Variants in FNBP4 observed in about 807,000 individuals in gnomAD.
The protein encoded by FNBP4 is formin-binding protein 4.
FNBP4 carries 34 observed loss-of-function variants against 119.3 expected under a neutral mutation model. That is an observed-to-expected ratio of 0.28 (90% CI 0.22 to 0.38). The LOEUF (loss-of-function observed/expected upper bound fraction) is 0.38. Among genes scored for constraint, FNBP4 ranks in the 10% least tolerant of loss-of-function variants. The probability of loss-of-function intolerance (pLI) is 1.00; values close to 1 mark genes in which losing one functional copy is unlikely to be tolerated. For missense variants in FNBP4, 1,112 were observed against 1,228.9 expected (o/e 0.90, Z 1.42); for synonymous variants, 462 against 430.6 (o/e 1.07, Z -0.90).
intron 12 of FNBP4, among the ~76,000 whole-genome samples, chr11:47,727,860 C>T (rs116265424): frequency 6.8e-4 from 104 of 152,136 alleles, no homozygotes; most frequent in African/African-American, 2.5e-3. Flanking sequence ...GTCTGAAGCC[C>T]AAGGACAGAT....
chr11:47,758,552 T>C (rs572207212), intron 2 of FNBP4, among the ~76,000 whole-genome samples: 4 of 152,126 alleles, frequency 2.6e-5, no homozygotes, highest in African/African-American at 9.6e-5. Flanking sequence ...TATTTTAAAC[T>C]GGTAAGAAAG....
rs765238923 is a variant in FNBP4, at chr11:47,720,062, G to A, written c.2830C>T (p.Pro944Ser). 2 of 1,613,728 alleles carry A rather than the reference G, an allele frequency of 1.2e-6. No individual in the cohort carries two copies. The highest frequency in any genetic ancestry group is 2.2e-5 in the South Asian group (2 of 91,020). The change falls in exon 16 of 17, where the codon CCA (proline) becomes TCA (serine). Residue 944 changes from proline (P) to serine (S), a missense_variant. Pro to Ser is a moderately conservative substitution (Grantham distance 74). Around this residue, in one of 2 missense-constraint regions of FNBP4, gnomAD observed 826 missense variants for 988.8 expected, o/e 0.84. Transcript: ENST00000263773. ...CTCTGCCACTTTTTTACCAAAGATG[G>A]CATTTTGGTCTTACTCTTCTTTGCC... is the stretch of plus-strand genomic sequence containing the variant. ...DKAKKSKTKMPSLVKKWQSIQ... is the reference protein window; with the variant it reads ...DKAKKSKTKMSSLVKKWQSIQ...
intron 12 of FNBP4, chr11:47,729,748 T>C (rs1410179248): frequency 6.1e-6 from 6 of 985,348 alleles, no homozygotes; most frequent in Non-Finnish European, 7.2e-6. Context: ...CTTTAAAAGA[T>C]AGCTGGTTTT....
intron 8 of FNBP4, among the ~76,000 whole-genome samples, chr11:47,743,452 C>T (rs2097585130): frequency 6.6e-6 from 1 of 152,004 alleles, no homozygotes; most frequent in Non-Finnish European, 1.5e-5. Context: ...CTTTGTACTC[C>T]AGCCTGGGTG....
intron 16 of FNBP4, 31 bp from the exon 17 acceptor site, chr11:47,717,543 G>A: frequency 6.7e-7 from 1 of 1,490,166 alleles, no homozygotes; most frequent in South Asian, 1.2e-5. Flanking sequence ...TTATTTTAGT[G>A]GAAAGAAAAA....
Position 47,724,682 on chromosome 11 carries a change from A to C in FNBP4, c.2105T>G (p.Val702Gly). The C allele has an allele frequency of 1.2e-6, 2 of 1,614,076 alleles. No individual in the cohort carries two copies. Among genetic ancestry groups the C allele is most frequent in the Non-Finnish European group, 1.7e-6 (2 of 1,179,984 alleles). The change falls in exon 13 of 17, where the codon GTG becomes GGG. Residue 702 changes from valine to glycine, a missense_variant. By Grantham distance (109) the Val-to-Gly change is moderately radical. Transcript: ENST00000263773. ...TTCCAAGGGTAATGGAGGTTGAAGCACAGGAACATTTGACTGAAGGAGGGT... is the reference window on the plus strand; with the variant it reads ...TTCCAAGGGTAATGGAGGTTGAAGCCCAGGAACATTTGACTGAAGGAGGGT... Reference protein sequence around the residue: ...FWTLLQSNVPVLQPPLPLEMP... With the variant: ...FWTLLQSNVPGLQPPLPLEMP...
Position 47,717,099 on chromosome 11 carries a change from C to T in FNBP4, c.*323G>A, listed in dbSNP as rs757629337. ...GGAGAAGTTAATTCTTCACTTTTGT[C>T]AGGGAGTCCTCTACAGAAGTGTTAT... On this transcript the variant is annotated 3_prime_UTR_variant, in exon 17 of 17. Transcript: ENST00000263773. 1 of 187,064 alleles carries T rather than the reference C, an allele frequency of 5.3e-6. No homozygotes were observed. 11.6% of individuals were successfully genotyped at this position (187,064 alleles called of 1,614,324 possible).
At chr11:47,753,237 G>A in intron 3 of FNBP4, 135 bp from the exon 4 acceptor site, 2 of 587,856 alleles carry the variant, frequency 3.4e-6, no homozygotes, top group Non-Finnish European at 5.7e-6. Context: ...CACTTTGGGA[G>A]GCTGAGACAG....
intron 7 of FNBP4, among the ~76,000 whole-genome samples, chr11:47,745,803 C>T (rs554910307): frequency 1.3e-5 from 2 of 152,136 alleles, no homozygotes; most frequent in East Asian, 3.9e-4. Context: ...AGCTGGCCGA[C>T]ACTTATGGAA....
intron 12 of FNBP4, among the ~76,000 whole-genome samples, chr11:47,727,548 G>A (rs767171152): frequency 6.6e-6 from 1 of 152,086 alleles, no homozygotes; most frequent in Non-Finnish European, 1.5e-5. Flanking sequence ...CCTGGCCTCT[G>A]CTTTTGTACT....
rs942694180 is a variant in FNBP4, at chr11:47,749,005, T to C, written c.906+1911A>G. Among the ~76,000 whole-genome samples the C allele has an allele frequency of 1.1e-4, 17 of 152,252 alleles. No individual in the cohort carries two copies. The South Asian group carries it at 1.5e-3, about 13-fold the overall frequency. On this transcript the variant is annotated intron_variant, in intron 6 of 16. Transcript: ENST00000263773. ...TACATGCAGTAGCTCACACCTATAATGTAAGCAATTTGGGAGGCCGAGGCA... is the reference window on the plus strand; with the variant it reads ...TACATGCAGTAGCTCACACCTATAACGTAAGCAATTTGGGAGGCCGAGGCA...
Position 47,723,182 on chromosome 11 carries a change from C to A in FNBP4, c.2599G>T (p.Ala867Ser). Residue 867 changes from alanine to serine, a missense_variant, in exon 15 of 17, where the codon GCA becomes TCA. By Grantham distance (99) the Ala-to-Ser change is moderately conservative. This residue lies in a region of FNBP4 where 826 missense variants were observed against 988.8 expected (regional missense o/e 0.84). Coordinates refer to ENST00000263773, the MANE Select transcript of FNBP4 (RefSeq NM_015308.5). Reference protein sequence around the residue: ...SLQSNYLGLAAAPAIMSYAEC... With the variant: ...SLQSNYLGLASAPAIMSYAEC... ...GCATAACTCATAATTGCAGGTGCTG[C>A]CGCTAGTCCAAGGTAATTTGACTGC... The A allele has an allele frequency of 1.9e-6, 3 of 1,613,996 alleles. No homozygotes were observed. Among genetic ancestry groups the A allele is most frequent in the Non-Finnish European group, 2.5e-6 (3 of 1,180,022 alleles).
intron 2 of FNBP4, among the ~76,000 whole-genome samples, chr11:47,755,623 T>C (rs905147776): frequency 4.2e-5 from 4 of 94,162 alleles, no homozygotes; most frequent in Admixed American, 3.3e-4. Context: ...GTCTATCCCA[T>C]AAAAACAAAA....
At chr11:47,722,347 C>T (rs907215367) in intron 15 of FNBP4, among the ~76,000 whole-genome samples, 1 of 151,418 alleles carries the variant, frequency 6.6e-6, no homozygotes, top group African/African-American at 2.4e-5. Flanking sequence ...CTCCCAGGTT[C>T]AAGCGACTCT....
At chr11:47,720,460 C>T (rs1013209148) in intron 15 of FNBP4, among the ~76,000 whole-genome samples, 21 of 151,738 alleles carry the variant, frequency 1.4e-4, no homozygotes, top group African/African-American at 5.1e-4. Flanking sequence ...CTCAGCTACT[C>T]GGAAGGTTGA....
Position 47,732,077 on chromosome 11 carries a change from C to T in FNBP4, c.1820+460G>A, listed in dbSNP as rs2097568124. ...AGATTTCAAATAACGAAAAAAAAAT[C>T]AAGAAAAGCCAAATATATAAAGAAA... On this transcript the variant is annotated intron_variant, in intron 11 of 16. Transcript: ENST00000263773. This position sits in a 1 kb window ranked among gnomAD's most constrained non-coding sequence, Gnocchi z 4.2. 1.0e-6 allele frequency: 1 copy of T among 992,104 alleles called. No homozygotes were observed. The highest frequency in any genetic ancestry group is 4.7e-5 in the South Asian group (1 of 21,422). 61.5% of individuals were successfully genotyped at this position (992,104 alleles called of 1,614,324 possible).
At chr11:47,722,342 A>C (rs2097556780) in intron 15 of FNBP4, among the ~76,000 whole-genome samples, 3 of 150,736 alleles carry the variant, frequency 2.0e-5, no homozygotes, top group Admixed American at 2.0e-4. Flanking sequence ...TCAGCCTCCC[A>C]GGTTCAAGCG....
Position 47,767,297 on chromosome 11 carries a change from C to A in FNBP4, c.-9G>T. The A allele has an allele frequency of 6.7e-7, 1 of 1,497,804 alleles. No homozygotes were observed. The highest frequency in any genetic ancestry group is 8.8e-7 in the Non-Finnish European group (1 of 1,129,952). 92.8% of individuals were successfully genotyped at this position (1,497,804 alleles called of 1,614,324 possible). A position where few individuals can be genotyped will look rare whatever the true frequency, so the allele number is the denominator to read the frequency against. ...CGGGACTTCTTCCCCATCGCGAGCCCAAGCGCGAGCAGAGAGCGTCGGGCG... is the reference window on the plus strand; with the variant it reads ...CGGGACTTCTTCCCCATCGCGAGCCAAAGCGCGAGCAGAGAGCGTCGGGCG... On this transcript the variant is annotated 5_prime_UTR_variant, in exon 1 of 17. Coordinates refer to ENST00000263773, the MANE Select transcript of FNBP4 (RefSeq NM_015308.5).
intron 2 of FNBP4, among the ~76,000 whole-genome samples, chr11:47,762,369 C>A (rs2097637396): frequency 1.3e-5 from 2 of 152,016 alleles, no homozygotes; most frequent in African/African-American, 2.4e-5. Context: ...CCTTGTCATC[C>A]GCCCGCCTTG....
Sources: allele counts gnomAD v4.1 joint callset (sites outside exome capture counted in the v4.1 genomes callset), GRCh38; gene constraint gnomAD v4.1.1; regional missense constraint gnomAD v4.1.1; non-coding constraint Gnocchi (gnomAD v3.1); transcripts MANE v1.5; gene names NCBI Gene and HGNC (gene_info 2026-07-23, HGNC 2026-07-21).